Variants in BCR observed in about 807,000 individuals in gnomAD.
BCR encodes BCR activator of RhoGEF and GTPase, also known as breakpoint cluster region protein.
Under a neutral mutation model 138.6 loss-of-function variants are expected in BCR, and 58 were observed. The observed-to-expected ratio is 0.42, with a 90% CI of 0.34 to 0.52. The LOEUF is 0.52. Among genes scored for constraint, BCR ranks in the 20% least tolerant of loss-of-function variants. The pLI is 0.06. For synonymous variants in BCR, 786 were observed against 730.1 expected (o/e 1.08, Z -1.23); for missense variants, 1,599 against 1,727.2 (o/e 0.93, Z 1.32).
chr22:23,309,001 G>A lies in BCR; in HGVS notation c.3013-423G>A, dbSNP rs557621937. Among the ~76,000 whole-genome samples, 987 of 152,032 alleles carry A rather than the reference G, an allele frequency of 6.5e-3. 9 individuals are homozygous for A. Among genetic ancestry groups the A allele is most frequent in the African/African-American group, 0.022 (895 of 41,322 alleles). On this transcript the variant is annotated intron_variant, in intron 16 of 22. Transcript: ENST00000305877. Reference sequence around the variant, plus strand: ...CGCCACAAGCTGTTCATGGTGCAGGGGGAGAACAGTGTCCACAATTCCCCA... The same window carrying A: ...CGCCACAAGCTGTTCATGGTGCAGGAGGAGAACAGTGTCCACAATTCCCCA...
chr22:23,281,013 A>G (rs987520794), intron 8 of BCR, among the ~76,000 whole-genome samples: 1 of 152,196 alleles, frequency 6.6e-6, no homozygotes, highest in African/African-American at 2.4e-5. Flanking sequence ...ACGGGCACAC[A>G]CCTACCCAGG....
At chr22:23,304,557 C>T (rs781415673) in intron 16 of BCR, among the ~76,000 whole-genome samples, 6 of 152,278 alleles carry the variant, frequency 3.9e-5, no homozygotes, top group Non-Finnish European at 7.3e-5. Context: ...TGGTACCAGT[C>T]TCTATATGGA....
chr22:23,181,083 C>A lies in BCR; in HGVS notation c.123C>A (p.Ser41=). The part of the protein sequence containing the change: ...IEQELERCKA[S]IRRLEQEVNQ... Reference sequence around the variant, plus strand: ...AGGAGCTGGAGCGCTGCAAGGCCTCCATTCGGCGCCTGGAGCAGGAGGTGA... The same window carrying A: ...AGGAGCTGGAGCGCTGCAAGGCCTCAATTCGGCGCCTGGAGCAGGAGGTGA... The change falls in exon 1 of 23, where the codon TCC becomes TCA. Residue 41 remains serine, a synonymous_variant. Transcript: ENST00000305877. The A allele has an allele frequency of 6.6e-7, 1 of 1,516,870 alleles. No individual in the cohort carries two copies. Among genetic ancestry groups the A allele is most frequent in the East Asian group, 2.6e-5 (1 of 38,772 alleles). 94.0% of individuals were successfully genotyped at this position (1,516,870 alleles called of 1,614,324 possible). A position where few individuals can be genotyped will look rare whatever the true frequency, so the allele number is the denominator to read the frequency against.
chr22:23,205,315 G>A (rs972979852), intron 1 of BCR, among the ~76,000 whole-genome samples: 6 of 152,180 alleles, frequency 3.9e-5, no homozygotes, highest in Non-Finnish European at 7.3e-5. Context: ...TGGAAGCCAC[G>A]CTTTCCTTCA....
chr22:23,287,031 G>A (rs2073722193), intron 10 of BCR, 128 bp from the exon 11 acceptor site: 1 of 1,492,786 alleles, frequency 6.7e-7, no homozygotes, highest in African/African-American at 1.4e-5. Flanking sequence ...CCTGGTCTGT[G>A]CTGAGTGGAG....
intron 1 of BCR, 109 bp downstream of exon 1, chr22:23,182,348 G>T (rs1199022286): frequency 2.4e-6 from 3 of 1,268,810 alleles, no homozygotes; most frequent in Non-Finnish European, 3.2e-6. Context: ...ATAGTTTTGA[G>T]TGTATCAGGT....
rs755000316 is a variant in BCR, at chr22:23,182,138, G to T, written c.1178G>T (p.Arg393Leu). The change falls in exon 1 of 23, where the codon CGG becomes CTG. Residue 393 changes from arginine (R) to leucine (L), a missense_variant. Coordinates refer to ENST00000305877, the MANE Select transcript of BCR (RefSeq NM_004327.4). The part of the protein sequence containing the change: ...PPTPQCHKRH[R>L]HCPVVVSEAT... Reference sequence around the variant, plus strand: ...ACGCCGCAGTGCCATAAGCGGCACCGGCACTGCCCGGTTGTCGTGTCCGAG... The same window carrying T: ...ACGCCGCAGTGCCATAAGCGGCACCTGCACTGCCCGGTTGTCGTGTCCGAG... 2.5e-6 allele frequency: 4 copies of T among 1,610,560 alleles called. No individual in the cohort carries two copies. Among genetic ancestry groups the T allele is most frequent in the Non-Finnish European group, 2.5e-6 (3 of 1,179,894 alleles).
chr22:23,190,870 A>G (rs2072404196), intron 1 of BCR, among the ~76,000 whole-genome samples: 1 of 152,182 alleles, frequency 6.6e-6, no homozygotes, highest in Non-Finnish European at 1.5e-5. Context: ...AGGGGTGGGA[A>G]CAGGTCATTG....
intron 19 of BCR, chr22:23,312,049 T>G: frequency 1.1e-6 from 1 of 944,734 alleles, no homozygotes; most frequent in Non-Finnish European, 1.5e-6. Context: ...TGCATGCCAC[T>G]TGCTGGGGTA....
At chr22:23,197,016 A>G (rs183835581) in intron 1 of BCR, among the ~76,000 whole-genome samples, 66 of 152,294 alleles carry the variant, frequency 4.3e-4, no homozygotes, top group African/African-American at 1.4e-3. Context: ...CATATAACCT[A>G]TACACATCTT....
At position 23,295,075 on chromosome 22, in the gene BCR, G is replaced by C. The variant is rs1195723511; in HGVS notation, c.2932G>C (p.Glu978Gln). The stretch of plus-strand genomic sequence containing the variant: ...CCAGACCCTGAGGATACTGTGCTAT[G>C]AAAAGTGTTACAACAAGACGAAGAT... ...GSQTLRILCY[E>Q]KCYNKTKIPK... The change falls in exon 16 of 23, where the codon GAA becomes CAA. Residue 978 changes from glutamate (E) to glutamine (Q), a missense_variant. Physicochemically the swap from Glu to Gln is conservative, Grantham distance 29. Coordinates refer to ENST00000305877, the MANE Select transcript of BCR (RefSeq NM_004327.4). 1 of 1,614,078 alleles carries C rather than the reference G, an allele frequency of 6.2e-7. No individual in the cohort carries two copies. The highest frequency in any genetic ancestry group is 8.5e-7 in the Non-Finnish European group (1 of 1,180,036).
chr22:23,244,927 C>T (rs1252151229), intron 1 of BCR, among the ~76,000 whole-genome samples: 1 of 152,150 alleles, frequency 6.6e-6, no homozygotes, highest in Non-Finnish European at 1.5e-5. Context: ...TGACTGGGAG[C>T]CTTAGGCACA....
At chr22:23,207,170 A>G (rs8136130) in intron 1 of BCR, among the ~76,000 whole-genome samples, 10,290 of 152,158 alleles carry the variant, frequency 0.068, 1,152 homozygotes, top group African/African-American at 0.23. Context: ...CACAATGCTT[A>G]GGCCTTGACT....
At chr22:23,256,896 C>T (rs922642359) in intron 2 of BCR, among the ~76,000 whole-genome samples, 5 of 152,124 alleles carry the variant, frequency 3.3e-5, no homozygotes, top group African/African-American at 1.2e-4. Flanking sequence ...TATTTAGCCT[C>T]AAGTTTTGTG....
At chr22:23,218,745 G>A (rs2072786257) in intron 1 of BCR, among the ~76,000 whole-genome samples, 1 of 152,246 alleles carries the variant, frequency 6.6e-6, no homozygotes, top group South Asian at 2.1e-4. Context: ...GGACAGCCTG[G>A]TTCGCCTGCC....
intron 8 of BCR, among the ~76,000 whole-genome samples, chr22:23,279,903 G>A (rs2073623690): frequency 6.6e-6 from 1 of 152,214 alleles, no homozygotes; most frequent in Non-Finnish European, 1.5e-5. Context: ...CCGGCAGGGT[G>A]CCAGCAGGGT....
chr22:23,203,710 C>T (rs2072581090), intron 1 of BCR, among the ~76,000 whole-genome samples: 1 of 152,132 alleles, frequency 6.6e-6, no homozygotes, highest in Admixed American at 6.5e-5. Context: ...AACTTACTGT[C>T]CCCTTGTCTG....
intron 8 of BCR, among the ~76,000 whole-genome samples, chr22:23,280,500 A>G (rs1296032303): frequency 1.3e-5 from 2 of 152,230 alleles, no homozygotes; most frequent in Non-Finnish European, 2.9e-5. Flanking sequence ...TGCAGAGGAC[A>G]TGGCGAAGGG....
intron 4 of BCR, chr22:23,262,779 G>A (rs891218647): frequency 5.1e-5 from 49 of 958,190 alleles, no homozygotes; most frequent in African/African-American, 1.4e-4. Flanking sequence ...AGGGGGAAGC[G>A]AAGGAAGGGG....
Sources: allele counts gnomAD v4.1 joint callset (sites outside exome capture counted in the v4.1 genomes callset), GRCh38; gene constraint gnomAD v4.1.1; transcripts MANE v1.5; gene names NCBI Gene and HGNC (gene_info 2026-07-23, HGNC 2026-07-21).